The following OSBPL10 variants were observed in gnomAD, a reference collection of about 807,000 sequenced individuals.
The protein encoded by OSBPL10 is oxysterol binding protein like 10.
A neutral mutation model predicts 81.7 loss-of-function variants in OSBPL10; 49 were observed. The ratio of observed to expected loss-of-function variants is 0.60; its 90% CI spans 0.48 to 0.76. The LOEUF is 0.76. Among genes scored for constraint, OSBPL10 ranks in the 30% least tolerant of loss-of-function variants. The pLI is 0.00. For missense variants in OSBPL10, 923 were observed against 987.8 expected (o/e 0.93, Z 0.88); for synonymous variants, 419 against 383.6 (o/e 1.09, Z -1.08).
At chr3:31,924,645 A>C (rs1011529723) in intron 1 of OSBPL10, among the ~76,000 whole-genome samples, 1 of 152,162 alleles carries the variant, frequency 6.6e-6, no homozygotes, top group African/African-American at 2.4e-5. Flanking sequence ...ACTTGACTTG[A>C]ATATTGAATT....
chr3:31,829,965 G>A, intron 4 of OSBPL10, 75 bp downstream of exon 4: 11 of 1,401,080 alleles, frequency 7.9e-6, no homozygotes, highest in Non-Finnish European at 1.1e-5. Flanking sequence ...CGCAAAGGAA[G>A]AGGAGTCGGC....
At chr3:31,942,668 C>A (rs1697573187) in intron 1 of OSBPL10, among the ~76,000 whole-genome samples, 1 of 151,602 alleles carries the variant, frequency 6.6e-6, no homozygotes, top group Non-Finnish European at 1.5e-5. Context: ...AAACAACAAA[C>A]CCATTTAAAG....
chr3:31,797,363 A>G (rs2063998085), intron 4 of OSBPL10, among the ~76,000 whole-genome samples: 1 of 152,176 alleles, frequency 6.6e-6, no homozygotes, highest in African/African-American at 2.4e-5. Flanking sequence ...AAAAGAAAAG[A>G]AAAGAAAGGT....
upstream of OSBPL10, among the ~76,000 whole-genome samples, chr3:31,984,242 G>A (rs1698902122): frequency 6.6e-6 from 1 of 151,862 alleles, no homozygotes; most frequent in Non-Finnish European, 1.5e-5. Flanking sequence ...GGATTTCACT[G>A]TGTTCACCAG....
rs776175838 is a variant in OSBPL10, at chr3:31,683,828, C to G, written c.1532G>C (p.Cys511Ser). The change falls in exon 8 of 12, where the codon TGT becomes TCT. Residue 511 changes from cysteine to serine, a missense_variant. By Grantham distance (112) the Cys-to-Ser change is moderately radical (BLOSUM62 -1). Coordinates refer to ENST00000396556, the MANE Select transcript of OSBPL10 (RefSeq NM_017784.5). ...GTCATCGGCCATTGGGTGTTCGTGA[C>G]AGCTGGCAGGAGAGCGGGAAGCAGT... ...KRTASRSPAS[C>S]HEHPMADDPS... is the part of the protein sequence containing the mutation. 5 of 1,614,216 alleles carry G rather than the reference C, an allele frequency of 3.1e-6. No individual in the cohort carries two copies. The East Asian group carries it at 1.1e-4, about 36-fold the overall frequency.
At chr3:31,857,816 AAG>A (rs1280274862) in intron 3 of OSBPL10, among the ~76,000 whole-genome samples, 27 of 7,796 alleles carry the variant, frequency 3.5e-3, no homozygotes, top group African/African-American at 8.0e-3. Context: ...GAGAGAGAGA[AAG>A]GGAGAGGGAG....
At chr3:31,900,234 G>C (rs1410230107) in intron 1 of OSBPL10, among the ~76,000 whole-genome samples, 1 of 151,590 alleles carries the variant, frequency 6.6e-6, no homozygotes, top group Non-Finnish European at 1.5e-5. Context: ...GTAGAGATGG[G>C]GTTTCAACAT....
intron 2 of OSBPL10, among the ~76,000 whole-genome samples, chr3:31,877,586 A>C (rs1015012645): frequency 6.6e-6 from 1 of 152,192 alleles, no homozygotes. Flanking sequence ...TGAAAAAAAA[A>C]AACAACGATT....
At chr3:31,885,260 G>C (rs114796928) in intron 1 of OSBPL10, among the ~76,000 whole-genome samples, 9 of 152,092 alleles carry the variant, frequency 5.9e-5, no homozygotes, top group African/African-American at 2.2e-4. Flanking sequence ...CACTCACACA[G>C]GTACTTGCAT....
intron 3 of OSBPL10, among the ~76,000 whole-genome samples, chr3:31,859,252 C>CA (rs1218666528): frequency 7.9e-5 from 12 of 151,384 alleles, no homozygotes; most frequent in African/African-American, 2.2e-4. Flanking sequence ...TTGTCTATGT[C>CA]AAAAAAAATG....
chr3:31,932,914 A>T (rs1252366332), intron 1 of OSBPL10, among the ~76,000 whole-genome samples: 1 of 152,142 alleles, frequency 6.6e-6, no homozygotes, highest in Non-Finnish European at 1.5e-5. Context: ...TTCATAAGAC[A>T]TACATTTGTC....
At chr3:31,957,622 GGTTTGTTTTTGTTT>G (rs1698044449) in intron 1 of OSBPL10, among the ~76,000 whole-genome samples, 1 of 151,996 alleles carries the variant, frequency 6.6e-6, no homozygotes, top group South Asian at 2.1e-4. Context: ...TGTTGTTATT[GGTTTGTTTTTGTTT>G]GTTTGTTTTG....
chr3:31,741,220 G>A (rs1697337527), intron 5 of OSBPL10, among the ~76,000 whole-genome samples: 1 of 152,208 alleles, frequency 6.6e-6, no homozygotes, highest in Admixed American at 6.5e-5. Context: ...AACCATTTAA[G>A]ACATATTCCC....
intron 1 of OSBPL10, among the ~76,000 whole-genome samples, chr3:31,910,406 A>G (rs1696540261): frequency 6.6e-6 from 1 of 151,332 alleles, no homozygotes; most frequent in Non-Finnish European, 1.5e-5. Context: ...AAGCTGAGGC[A>G]GGCAGATTAC....
At chr3:31,955,825 A>C (rs1697991552) in intron 1 of OSBPL10, among the ~76,000 whole-genome samples, 1 of 152,298 alleles carries the variant, frequency 6.6e-6, no homozygotes, top group Non-Finnish European at 1.5e-5. Context: ...AAGCAGACAC[A>C]CTCATGCAAG....
intron 1 of OSBPL10, among the ~76,000 whole-genome samples, chr3:31,932,836 T>C (rs1464869103): frequency 6.6e-6 from 1 of 152,106 alleles, no homozygotes; most frequent in East Asian, 1.9e-4. Context: ...AAGTATTCTC[T>C]CATTAATCAA....
intron 1 of OSBPL10, among the ~76,000 whole-genome samples, chr3:31,920,753 T>G (rs960648205): frequency 2.0e-5 from 3 of 152,204 alleles, no homozygotes; most frequent in Admixed American, 2.0e-4. Context: ...GACCATTTTC[T>G]TGGTGATGAG....
At chr3:31,931,353 A>C (rs954643802) in intron 1 of OSBPL10, among the ~76,000 whole-genome samples, 1 of 152,138 alleles carries the variant, frequency 6.6e-6, no homozygotes, top group African/African-American at 2.4e-5. Context: ...TCTCTTGCTT[A>C]ACCTATTTCC....
chr3:31,752,443 G>A (rs931957541), intron 4 of OSBPL10, among the ~76,000 whole-genome samples: 3 of 152,194 alleles, frequency 2.0e-5, no homozygotes, highest in African/African-American at 7.2e-5. Context: ...TATCAACTCT[G>A]AGGTTGTAAA....
Sources: allele counts gnomAD v4.1 joint callset (sites outside exome capture counted in the v4.1 genomes callset), GRCh38; gene constraint gnomAD v4.1.1; transcripts MANE v1.5; gene names NCBI Gene and HGNC (gene_info 2026-07-23, HGNC 2026-07-21).